Variants in SEL1L2 observed in about 807,000 individuals in gnomAD.
The protein encoded by SEL1L2 is protein sel-1 homolog 2.
In SEL1L2, 89 loss-of-function variants were observed where a neutral mutation model predicts 98.8. That is an observed-to-expected ratio of 0.90 (90% CI 0.76 to 1.07). SEL1L2 has a LOEUF of 1.07. SEL1L2 is among the 50% of genes least tolerant of loss of function. The pLI, the probability that SEL1L2 is intolerant of heterozygous loss-of-function variation, is 0.00. For missense variants in SEL1L2, 788 were observed against 812.0 expected (o/e 0.97, Z 0.36); for synonymous variants, 262 against 278.5 (o/e 0.94, Z 0.59).
At chr20:13,940,645 G>C (rs2049725045) in intron 2 of SEL1L2, among the ~76,000 whole-genome samples, 1 of 152,152 alleles carries the variant, frequency 6.6e-6, no homozygotes, top group South Asian at 2.1e-4. Context: ...TCATGAGTGG[G>C]AGCAGGGGCT....
intron 5 of SEL1L2, among the ~76,000 whole-genome samples, chr20:13,904,921 C>A (rs1600691272): frequency 6.6e-6 from 1 of 152,250 alleles, no homozygotes; most frequent in East Asian, 1.9e-4. Context: ...AACAGTGGAT[C>A]CTTTTGTGCG....
intron 13 of SEL1L2, 80 bp from the exon 14 acceptor site, chr20:13,869,670 A>C (rs1256924153): frequency 1.0e-6 from 1 of 966,124 alleles, no homozygotes; most frequent in Non-Finnish European, 1.7e-6. Context: ...TCTTAAAAAG[A>C]GTATAGACAG....
intron 3 of SEL1L2, among the ~76,000 whole-genome samples, chr20:13,925,546 G>A (rs2048854197): frequency 6.6e-6 from 1 of 152,206 alleles, no homozygotes; most frequent in African/African-American, 2.4e-5. Context: ...TTTGCTGTCT[G>A]AACAGCTCTA....
intron 17 of SEL1L2, among the ~76,000 whole-genome samples, chr20:13,863,624 A>G (rs1220109454): frequency 6.6e-6 from 1 of 152,196 alleles, no homozygotes; most frequent in Non-Finnish European, 1.5e-5. Flanking sequence ...CTTAGGACAC[A>G]TGATTATTTT....
intron 2 of SEL1L2, among the ~76,000 whole-genome samples, chr20:13,939,285 C>T (rs1420768718): frequency 6.6e-6 from 1 of 151,888 alleles, no homozygotes; most frequent in Non-Finnish European, 1.5e-5. Flanking sequence ...CTTTGTGATC[C>T]ACTCACCTTG....
intron 10 of SEL1L2, among the ~76,000 whole-genome samples, chr20:13,884,488 GTTAA>G (rs1165644938): frequency 6.6e-6 from 1 of 152,118 alleles, no homozygotes; most frequent in Admixed American, 6.5e-5. Flanking sequence ...CATTTGAATG[GTTAA>G]TTAACTTATT....
chr20:13,886,015 C>T (rs1184578273), intron 9 of SEL1L2, among the ~76,000 whole-genome samples: 3 of 148,960 alleles, frequency 2.0e-5, no homozygotes, highest in Non-Finnish European at 4.4e-5. Flanking sequence ...CCAGCCCGGG[C>T]GACAGAGTGA....
chr20:13,941,523 C>T (rs900886249), intron 2 of SEL1L2, among the ~76,000 whole-genome samples: 11 of 152,130 alleles, frequency 7.2e-5, no homozygotes. Flanking sequence ...TGGAGATGGA[C>T]TGAATACAGG....
chr20:13,991,100 G>T (rs1226934240), upstream of SEL1L2, among the ~76,000 whole-genome samples: 1 of 152,212 alleles, frequency 6.6e-6, no homozygotes, highest in East Asian at 1.9e-4. Flanking sequence ...AACAAAGACT[G>T]TTTAACAATG....
intron 10 of SEL1L2, among the ~76,000 whole-genome samples, chr20:13,880,916 T>C (rs1379575995): frequency 6.6e-6 from 1 of 152,218 alleles, no homozygotes; most frequent in African/African-American, 2.4e-5. Context: ...TCATGATTTT[T>C]CATTGGCTCT....
At chr20:13,898,145 A>T (rs909527402) in intron 5 of SEL1L2, among the ~76,000 whole-genome samples, 5 of 152,206 alleles carry the variant, frequency 3.3e-5, no homozygotes, top group Non-Finnish European at 5.9e-5. Flanking sequence ...TATAACCAAA[A>T]GAACATAAAG....
chr20:13,995,221 C>T (rs2052613454), upstream of SEL1L2: 1 of 179,306 alleles, frequency 5.6e-6, no homozygotes, highest in South Asian at 1.1e-4. The surrounding 1 kb of genome is among the most constrained non-coding windows in gnomAD (Gnocchi z 4.3). Flanking sequence ...GTCCACCTCC[C>T]TCTCCCACTA....
rs1415229226 is a variant in SEL1L2, at chr20:13,870,145, G to C, written c.1163C>G (p.Pro388Arg). 6.3e-7 allele frequency: 1 copy of C among 1,598,126 alleles called. No homozygotes were observed. The highest frequency in any genetic ancestry group is 8.6e-7 in the Non-Finnish European group (1 of 1,167,150). The change falls in exon 13 of 20, where the codon CCC becomes CGC. Residue 388 changes from proline (P) to arginine (R), a missense_variant. Coordinates refer to ENST00000284951, the MANE Select transcript of SEL1L2 (RefSeq NM_025229.2). ...TAATAAAATAATTTAACTTACCAGG[G>C]GAACTCCTTTTCCATGAAAGTAAAG... ...GLLYFHGKGV[P>R]LNYAEALKYF...
chr20:13,859,291 T>C lies in SEL1L2; in HGVS notation c.1789A>G (p.Met597Val), dbSNP rs766789426. 3 of 1,614,186 alleles carry C rather than the reference T, an allele frequency of 1.9e-6. No homozygotes were observed. Among genetic ancestry groups the C allele is most frequent in the Admixed American group, 3.3e-5 (2 of 60,028 alleles). ...GTGATGCCTAAGCCGTGTTCATACATATAAGCCAGATTGAACATGGCTTGC... is the reference window on the plus strand; with the variant it reads ...GTGATGCCTAAGCCGTGTTCATACACATAAGCCAGATTGAACATGGCTTGC... ...NAQAMFNLAY[M>V]YEHGLGITKD... Residue 597 changes from methionine (M) to valine (V), a missense_variant, in exon 18 of 20, where the codon ATG becomes GTG. Transcript: ENST00000284951.
At chr20:13,887,727 T>C (rs1389488493) in intron 8 of SEL1L2, 42 bp downstream of exon 8, 2 of 1,269,166 alleles carry the variant, frequency 1.6e-6, no homozygotes, top group Admixed American at 3.6e-5. Flanking sequence ...TCTAATTCCT[T>C]GGCAACTGTT....
chr20:13,913,658 G>A, intron 5 of SEL1L2, 124 bp downstream of exon 5: 1 of 874,876 alleles, frequency 1.1e-6, no homozygotes, highest in East Asian at 3.3e-5. Context: ...GTGCATTATG[G>A]TAACCTCCCT....
intron 10 of SEL1L2, among the ~76,000 whole-genome samples, chr20:13,882,814 T>G (rs928908466): frequency 1.1e-5 from 1 of 87,220 alleles, no homozygotes; most frequent in Non-Finnish European, 2.4e-5. Context: ...CAATTTGTCT[T>G]TTTTTTTTTT....
intron 17 of SEL1L2, among the ~76,000 whole-genome samples, chr20:13,860,524 A>G (rs1418190401): frequency 6.6e-6 from 1 of 152,188 alleles, no homozygotes; most frequent in African/African-American, 2.4e-5. Flanking sequence ...CATTGATGGC[A>G]CTGCCTTCTC....
chr20:13,856,436 G>T (rs1345838474), intron 18 of SEL1L2, among the ~76,000 whole-genome samples: 3 of 152,076 alleles, frequency 2.0e-5, no homozygotes, highest in Non-Finnish European at 1.5e-5. Context: ...GGCCCTCTGA[G>T]AAACAGTTTC....
Sources: allele counts gnomAD v4.1 joint callset (sites outside exome capture counted in the v4.1 genomes callset), GRCh38; gene constraint gnomAD v4.1.1; non-coding constraint Gnocchi (gnomAD v3.1); transcripts MANE v1.5; gene names NCBI Gene and HGNC (gene_info 2026-07-23, HGNC 2026-07-21).